Variants in NDST4 observed in about 807,000 individuals in gnomAD.
NDST4 encodes the protein N-deacetylase and N-sulfotransferase 4, also known as N-heparan sulfate sulfotransferase 4.
NDST4 carries 63 observed loss-of-function variants against 100.8 expected under a neutral mutation model. The ratio of observed to expected loss-of-function variants is 0.62; its 90% CI spans 0.51 to 0.77. The LOEUF (loss-of-function observed/expected upper bound fraction) is 0.77, where lower values mean the gene tolerates loss of function less well. Among genes scored for constraint, NDST4 ranks in the 30% least tolerant of loss-of-function variants. The probability of loss-of-function intolerance (pLI) is 0.00; values close to 1 mark genes in which losing one functional copy is unlikely to be tolerated. For synonymous variants in NDST4, 377 were observed against 361.8 expected, an observed-to-expected ratio of 1.04 and a Z score of -0.48; for missense variants, 943 against 1,018.4, an observed-to-expected ratio of 0.93 and a Z score of 1.01.
intron 1 of NDST4, among the ~76,000 whole-genome samples, chr4:115,078,778 T>C (rs1191093643): frequency 6.6e-6 from 1 of 151,990 alleles, no homozygotes. Context: ...AGGCGGAAGA[T>C]GCAGTGAGCT....
At chr4:115,067,015 T>C (rs917864197) in intron 2 of NDST4, among the ~76,000 whole-genome samples, 3 of 152,194 alleles carry the variant, frequency 2.0e-5, no homozygotes, top group Non-Finnish European at 4.4e-5. Flanking sequence ...TAGAACTGAA[T>C]CCAGAGATTT....
intron 4 of NDST4, among the ~76,000 whole-genome samples, chr4:114,951,187 G>C (rs1725982086): frequency 6.6e-6 from 1 of 151,996 alleles, no homozygotes; most frequent in Admixed American, 6.6e-5. Context: ...AGATTCACGT[G>C]TTCACATGCA....
chr4:114,885,143 C>G (rs1227276468), intron 6 of NDST4, among the ~76,000 whole-genome samples: 1 of 152,086 alleles, frequency 6.6e-6, no homozygotes, highest in Non-Finnish European at 1.5e-5. Context: ...AAAATCTGAT[C>G]TGCATGCCAA....
intron 6 of NDST4, among the ~76,000 whole-genome samples, chr4:114,881,522 A>C (rs527871470): frequency 1.3e-5 from 2 of 152,004 alleles, no homozygotes; most frequent in African/African-American, 4.8e-5. Context: ...CCACACAGCG[A>C]GCTAACAAGA....
intron 4 of NDST4, among the ~76,000 whole-genome samples, chr4:114,941,757 G>A (rs1725755968): frequency 6.6e-6 from 1 of 152,150 alleles, no homozygotes; most frequent in Non-Finnish European, 1.5e-5. Context: ...ATGGTTCTGA[G>A]AGTCCCTGCA....
chr4:115,066,102 C>G (rs1247383672), intron 2 of NDST4, among the ~76,000 whole-genome samples: 1 of 152,192 alleles, frequency 6.6e-6, no homozygotes, highest in Non-Finnish European at 1.5e-5. Flanking sequence ...ATATTGCATT[C>G]TGCCTTGTAA....
intron 2 of NDST4, among the ~76,000 whole-genome samples, chr4:115,023,122 A>G (rs1288717269): frequency 6.6e-5 from 10 of 152,142 alleles, no homozygotes; most frequent in Non-Finnish European, 7.4e-5. Flanking sequence ...CTAAAAGACT[A>G]CAAAATGGGT....
intron 1 of NDST4, among the ~76,000 whole-genome samples, chr4:115,102,763 C>T (rs1729758104): frequency 8.2e-6 from 1 of 121,510 alleles, no homozygotes; most frequent in Non-Finnish European, 1.6e-5. Context: ...GGCTGGAGTT[C>T]AATGGTGCGG....
intron 4 of NDST4, among the ~76,000 whole-genome samples, chr4:114,966,132 C>T (rs190504023): frequency 6.6e-6 from 1 of 151,974 alleles, no homozygotes; most frequent in African/African-American, 2.4e-5. Flanking sequence ...AGACTAAGAT[C>T]CTGTATACAA....
At chr4:114,865,073 T>C (rs974145740) in intron 7 of NDST4, among the ~76,000 whole-genome samples, 10 of 128,356 alleles carry the variant, frequency 7.8e-5, no homozygotes, top group Non-Finnish European at 1.5e-4. Context: ...TTTTTTTTCT[T>C]TTTTTTTTTG....
At position 114,960,012 on chromosome 4, in the gene NDST4, G is replaced by A. The variant is rs557164335; in HGVS notation, c.1221+10418C>T. On this transcript the variant is annotated intron_variant, in intron 4 of 13. Coordinates refer to ENST00000264363, the MANE Select transcript of NDST4 (RefSeq NM_022569.3). ...TCATCATAAAAATTTTGAAAACAAA[G>A]GCAATCAGCAAATCTTGAAAGTCGC... Among the ~76,000 whole-genome samples, 108 of 152,118 alleles carry A rather than the reference G, an allele frequency of 7.1e-4. 1 individual carries two copies. The highest frequency in any genetic ancestry group is 5.8e-4 in the East Asian group (3 of 5,176).
chr4:114,973,170 C>A (rs1466082502), intron 3 of NDST4, among the ~76,000 whole-genome samples: 1 of 151,964 alleles, frequency 6.6e-6, no homozygotes, highest in Non-Finnish European at 1.5e-5. Context: ...ACATTTTGGA[C>A]TTCCTGTAAA....
At chr4:115,062,762 T>C (rs982579707) in intron 2 of NDST4, among the ~76,000 whole-genome samples, 2 of 151,766 alleles carry the variant, frequency 1.3e-5, no homozygotes, top group African/African-American at 4.8e-5. Context: ...CAGGAAAATA[T>C]AAAAATTTTA....
At chr4:115,055,994 T>G (rs1166676896) in intron 2 of NDST4, among the ~76,000 whole-genome samples, 2 of 152,104 alleles carry the variant, frequency 1.3e-5, no homozygotes, top group African/African-American at 4.8e-5. Context: ...AATGTTCAAA[T>G]TTGAAAAATA....
chr4:115,003,845 G>A (rs1379168849), intron 2 of NDST4, among the ~76,000 whole-genome samples: 1 of 151,850 alleles, frequency 6.6e-6, no homozygotes, highest in Non-Finnish European at 1.5e-5. Flanking sequence ...TCCAGCCCAG[G>A]CGACAGTGTA....
At chr4:114,978,154 G>A (rs1578426622) in intron 2 of NDST4, among the ~76,000 whole-genome samples, 1 of 151,932 alleles carries the variant, frequency 6.6e-6, no homozygotes, top group Non-Finnish European at 1.5e-5. Context: ...GATTTTTAAA[G>A]AGGACATACT....
At chr4:114,983,555 G>T (rs1228419499) in intron 2 of NDST4, among the ~76,000 whole-genome samples, 1 of 152,160 alleles carries the variant, frequency 6.6e-6, no homozygotes, top group Non-Finnish European at 1.5e-5. Context: ...GCCTTTACCT[G>T]CATTGTATCT....
chr4:115,056,391 A>T (rs1207905712), intron 2 of NDST4, among the ~76,000 whole-genome samples: 1 of 152,138 alleles, frequency 6.6e-6, no homozygotes, highest in Admixed American at 6.6e-5. Flanking sequence ...AAACACCTAT[A>T]GGCTCCAAAA....
rs151276171 is a variant in NDST4, at chr4:114,967,343, ATATT to A, written c.1221+3083_1221+3086del. Among the ~76,000 whole-genome samples the A allele has an allele frequency of 3.5e-4, 54 of 152,232 alleles. 1 individual carries two copies. In the East Asian group the frequency reaches 9.5e-3, roughly 27 times the overall value. On this transcript the variant is annotated intron_variant, in intron 4 of 13. Coordinates refer to ENST00000264363, the MANE Select transcript of NDST4 (RefSeq NM_022569.3). ...AATACAATAAGATTTTTTACACAAT[ATATT>A]TATAGGAATAAGTGTAGTTTCTAGC...
Sources: gnomAD v4.1 joint callset for allele counts (sites outside exome capture counted in the v4.1 genomes callset) on GRCh38, gnomAD v4.1.1 for gene constraint, MANE v1.5 for transcripts, NCBI Gene and HGNC (gene_info 2026-07-23, HGNC 2026-07-21) for gene names.